Variants in SFMBT2 observed in about 807,000 individuals in gnomAD.
SFMBT2 encodes scm-like with four MBT domains protein 2.
In SFMBT2, 38 loss-of-function variants were observed where a neutral mutation model predicts 110.1. The observed-to-expected ratio is 0.35, with a 90% CI of 0.27 to 0.45. The LOEUF (loss-of-function observed/expected upper bound fraction) is 0.45. Ranked by LOEUF, SFMBT2 falls within the 20% of genes least tolerant of loss-of-function variation. The pLI is 1.00. For missense variants in SFMBT2, 1,011 were observed against 1,094.9 expected, an observed-to-expected ratio of 0.92 and a Z score of 1.08; for synonymous variants, 425 against 425.4, an observed-to-expected ratio of 1.00 and a Z score of 0.01.
intron 7 of SFMBT2, among the ~76,000 whole-genome samples, chr10:7,263,302 C>T (rs570799280): frequency 6.6e-6 from 1 of 152,206 alleles, no homozygotes; most frequent in African/African-American, 2.4e-5. Flanking sequence ...AGTACAATGG[C>T]GCGATCTCAG....
At chr10:7,370,057 A>T (rs1348488705) in intron 3 of SFMBT2, among the ~76,000 whole-genome samples, 8 of 152,074 alleles carry the variant, frequency 5.3e-5, no homozygotes, top group Admixed American at 4.6e-4. Flanking sequence ...GATGGGATTT[A>T]GCCATGTTTC....
At chr10:7,302,068 C>A (rs1181176104) in intron 4 of SFMBT2, among the ~76,000 whole-genome samples, 1 of 152,134 alleles carries the variant, frequency 6.6e-6, no homozygotes, top group Non-Finnish European at 1.5e-5. Context: ...GAAAACAACA[C>A]AAATCCTCTG....
At chr10:7,404,465 C>A (rs1489377056) in intron 1 of SFMBT2, among the ~76,000 whole-genome samples, 1 of 152,220 alleles carries the variant, frequency 6.6e-6, no homozygotes, top group African/African-American at 2.4e-5. Flanking sequence ...GAAAAACTCA[C>A]AAGATGAAAA....
At chr10:7,339,102 T>C (rs1379062300) in intron 4 of SFMBT2, among the ~76,000 whole-genome samples, 1 of 152,010 alleles carries the variant, frequency 6.6e-6, no homozygotes, top group Non-Finnish European at 1.5e-5. Context: ...TAGCCAGGCA[T>C]GATGACAGGT....
intron 4 of SFMBT2, among the ~76,000 whole-genome samples, chr10:7,349,868 GA>G (rs1020778857): frequency 3.3e-5 from 5 of 152,104 alleles, no homozygotes; most frequent in African/African-American, 1.2e-4. Context: ...GGATTTCAAG[GA>G]CAGTATTTGA....
At position 7,171,786 on chromosome 10, in the gene SFMBT2, C is replaced by CT; in HGVS notation, c.2415+108dup. 1 of 1,162,084 alleles carries CT rather than the reference C, an allele frequency of 8.6e-7. No homozygotes were observed. The highest frequency in any genetic ancestry group is 3.1e-5 in the East Asian group (1 of 32,168). The allele number at this position is 1,162,084 out of a possible 1,614,324, so 72.0% of individuals were successfully genotyped here. A position where few individuals can be genotyped will look rare whatever the true frequency, so the allele number is the denominator to read the frequency against. ...TGGGAACTAGCTAGAGCAGCTGCTG[C>CT]TGTTGGAGGTATTTTAAACAGGTTT... On this transcript the variant is annotated intron_variant, in intron 19 of 20. Coordinates refer to ENST00000397167, the MANE Select transcript of SFMBT2 (RefSeq NM_001387889.1). The surrounding 1 kb of genome is among the most constrained non-coding windows in gnomAD (Gnocchi z 4.9).
intron 16 of SFMBT2, chr10:7,176,584 G>C (rs1163881709): frequency 1.3e-6 from 1 of 771,894 alleles, no homozygotes; most frequent in Non-Finnish European, 1.6e-6. Flanking sequence ...ATTCTGCCTT[G>C]AAAACCATGC....
intron 9 of SFMBT2, among the ~76,000 whole-genome samples, chr10:7,233,199 C>T (rs1477705846): frequency 2.0e-5 from 3 of 152,188 alleles, no homozygotes; most frequent in African/African-American, 4.8e-5. Flanking sequence ...AAGAATCCAC[C>T]ATTCTAAAGG....
rs536033334 is a variant in SFMBT2, at chr10:7,216,637, G to A, written c.1330+3774C>T. Among the ~76,000 whole-genome samples, 8 of 152,162 alleles carry A rather than the reference G, an allele frequency of 5.3e-5. No homozygotes were observed. The East Asian group carries it at 5.8e-4, about 11-fold the overall frequency. ...CAGTGCCCCATCTGGCTAGTGCCCC[G>A]TTTGCTTCTAAAAGTCTCCTCGTTT... On this transcript the variant is annotated intron_variant, in intron 11 of 20. Transcript: ENST00000397167.
At chr10:7,181,266 C>T (rs1434334325) in intron 16 of SFMBT2, among the ~76,000 whole-genome samples, 1 of 147,534 alleles carries the variant, frequency 6.8e-6, no homozygotes, top group African/African-American at 2.5e-5. Context: ...AGTACAGGTA[C>T]ATCCCTAATC....
intron 4 of SFMBT2, among the ~76,000 whole-genome samples, chr10:7,312,672 A>C (rs891089844): frequency 6.6e-6 from 1 of 152,084 alleles, no homozygotes; most frequent in Non-Finnish European, 1.5e-5. Flanking sequence ...CTCTGTTCTC[A>C]GCTTAATGGT....
chr10:7,174,120 C>A (rs1164030511), intron 17 of SFMBT2, among the ~76,000 whole-genome samples: 1 of 152,242 alleles, frequency 6.6e-6, no homozygotes, highest in Non-Finnish European at 1.5e-5. Flanking sequence ...CTCCGGGAGC[C>A]CCGGCCTGTT....
intron 1 of SFMBT2, among the ~76,000 whole-genome samples, chr10:7,383,558 A>G (rs1241994908): frequency 2.6e-5 from 4 of 152,250 alleles, no homozygotes; most frequent in Non-Finnish European, 4.4e-5. Flanking sequence ...GCTACTTCTC[A>G]ACCACAGTAC....
chr10:7,384,238 A>AAAAAAAAAAAAAAAAAAT (rs1554812962), intron 1 of SFMBT2, among the ~76,000 whole-genome samples: 2 of 145,412 alleles, frequency 1.4e-5, no homozygotes, highest in African/African-American at 2.5e-5. Context: ...AAAAAAAAAA[A>AAAAAAAAAAAAAAAAAAT]CAACCACAGA....
At chr10:7,270,116 C>A (rs1187024821) in intron 7 of SFMBT2, among the ~76,000 whole-genome samples, 1 of 152,148 alleles carries the variant, frequency 6.6e-6, no homozygotes, top group East Asian at 1.9e-4. Context: ...GGGATTCACA[C>A]AGGGCCAGTC....
intron 4 of SFMBT2, among the ~76,000 whole-genome samples, chr10:7,327,253 G>T (rs1588451754): frequency 6.6e-6 from 1 of 151,748 alleles, no homozygotes; most frequent in Non-Finnish European, 1.5e-5. Flanking sequence ...CCTGTCTTAG[G>T]TATATAGTTT....
rs537292333 is a variant in SFMBT2 at position 7,391,302 on chromosome 10, T to C, written c.-51-9353A>G. ...CCAACATGGTGAAACCCTGTCTCTA[T>C]TAAGAATAGAAAAATTAGCCGGGCA... On this transcript the variant is annotated intron_variant, in intron 1 of 20. Coordinates refer to ENST00000397167, the MANE Select transcript of SFMBT2 (RefSeq NM_001387889.1). Among the ~76,000 whole-genome samples the C allele has an allele frequency of 8.0e-5, 12 of 149,108 alleles. No individual in the cohort carries two copies. In the South Asian group the frequency reaches 2.4e-3, roughly 29 times the overall value.
intron 1 of SFMBT2, among the ~76,000 whole-genome samples, chr10:7,397,892 TAAG>T (rs1451709688): frequency 6.6e-6 from 1 of 152,192 alleles, no homozygotes. Context: ...ACCAGCCAAC[TAAG>T]AAGAGACAAG....
intron 13 of SFMBT2, chr10:7,202,193 A>G (rs1399408414): frequency 4.1e-6 from 1 of 245,072 alleles, no homozygotes; most frequent in African/African-American, 2.3e-5. Context: ...ATAGACACAG[A>G]CAGCGATTTC....
Sources: allele counts gnomAD v4.1 joint callset (sites outside exome capture counted in the v4.1 genomes callset), GRCh38; gene constraint gnomAD v4.1.1; non-coding constraint Gnocchi (gnomAD v3.1); transcripts MANE v1.5; gene names NCBI Gene and HGNC (gene_info 2026-07-23, HGNC 2026-07-21).